Variants in SRFBP1 observed in about 807,000 individuals in gnomAD.
SRFBP1 encodes the protein serum response factor binding protein 1, also known as serum response factor-binding protein 1.
SRFBP1 carries 47 observed loss-of-function variants against 45.5 expected under a neutral mutation model. That is an observed-to-expected ratio of 1.03 (90% confidence interval 0.82 to 1.32). SRFBP1 has a LOEUF of 1.32. SRFBP1 is among the 40% of genes most tolerant of loss of function. The probability of loss-of-function intolerance (pLI) is 0.00; values close to 1 mark genes in which losing one functional copy is unlikely to be tolerated. For synonymous variants in SRFBP1, 203 were observed against 166.3 expected, an observed-to-expected ratio of 1.22 and a Z score of -1.70; for missense variants, 621 against 484.6, an observed-to-expected ratio of 1.28 and a Z score of -2.64.
chr5:121,976,897 A>G (rs935714260), intron 3 of SRFBP1, among the ~76,000 whole-genome samples: 3 of 150,466 alleles, frequency 2.0e-5, no homozygotes, highest in African/African-American at 2.5e-5. Context: ...ACATACACAC[A>G]CACTACATTC....
At chr5:122,024,137 G>A (rs754871632) in intron 7 of SRFBP1, among the ~76,000 whole-genome samples, 3 of 152,280 alleles carry the variant, frequency 2.0e-5, no homozygotes, top group Admixed American at 1.3e-4. Context: ...TCTCTTTTGT[G>A]TAGTGCATTG....
intron 6 of SRFBP1, among the ~76,000 whole-genome samples, chr5:122,021,637 C>T (rs372614889): frequency 2.7e-5 from 4 of 150,306 alleles, no homozygotes; most frequent in Non-Finnish European, 5.9e-5. Context: ...GAAAATGGCA[C>T]ACCACTATCC....
At chr5:122,023,305 C>G (rs1308650002) in intron 7 of SRFBP1, among the ~76,000 whole-genome samples, 1 of 152,162 alleles carries the variant, frequency 6.6e-6, no homozygotes, top group African/African-American at 2.4e-5. Context: ...ACCTCCTTCC[C>G]AAGGCAGCCA....
At chr5:122,077,721 T>A (rs754399452), downstream of SRFBP1, 2 of 1,583,756 alleles carry the variant, frequency 1.3e-6, no homozygotes, top group African/African-American at 2.7e-5. The surrounding 1 kb of genome is among the most constrained non-coding windows in gnomAD (Gnocchi z 4.9). Context: ...AGGATCGGAG[T>A]GCGGGGCTGC....
chr5:122,074,201 C>A, intron 2 of SRFBP1: 1 of 1,577,430 alleles, frequency 6.3e-7, no homozygotes, highest in South Asian at 1.1e-5. Flanking sequence ...AGATGGTGGT[C>A]AGTTACATAC....
chr5:121,982,217 A>C (rs1045694523), intron 3 of SRFBP1, among the ~76,000 whole-genome samples: 10 of 151,942 alleles, frequency 6.6e-5, no homozygotes, highest in African/African-American at 2.4e-4. Flanking sequence ...AAAAGAGCAA[A>C]CAAGATGCCC....
Position 122,028,521 on chromosome 5 carries a change from T to A in SRFBP1, c.*1395T>A, listed in dbSNP as rs879515821. ...ACTCAGAAGGCTGAGGCATAAGAAT[T>A]GCTTGAACCTGGGAGGTGGAGGTTG... On this transcript the variant is annotated 3_prime_UTR_variant, in exon 8 of 8. Transcript: ENST00000339397. The A allele has an allele frequency of 6.6e-6, 1 of 151,936 alleles. No individual in the cohort carries two copies. The highest frequency in any genetic ancestry group is 1.5e-5 in the Non-Finnish European group (1 of 68,048). 9.4% of individuals were successfully genotyped at this position (151,936 alleles called of 1,614,324 possible). A position where few individuals can be genotyped will look rare whatever the true frequency, so the allele number is the denominator to read the frequency against.
chr5:121,971,308 C>A (rs1323970614), intron 1 of SRFBP1, among the ~76,000 whole-genome samples: 1 of 151,908 alleles, frequency 6.6e-6, no homozygotes, highest in Non-Finnish European at 1.5e-5. Flanking sequence ...AAAAGTGGTA[C>A]AATTTGAAAG....
chr5:122,059,336 A>C (rs530754047), intron 2 of SRFBP1, among the ~76,000 whole-genome samples: 2 of 152,178 alleles, frequency 1.3e-5, no homozygotes, highest in African/African-American at 2.4e-5. Context: ...AGGTTGCCTA[A>C]ATTAGTGAGG....
intron 5 of SRFBP1, 85 bp from the exon 6 acceptor site, chr5:122,020,003 A>C (rs141210230): frequency 2.2e-6 from 2 of 904,076 alleles, no homozygotes; most frequent in East Asian, 5.7e-5. Context: ...AATCTTTTCA[A>C]ATAATTTTTT....
At chr5:121,985,163 T>C (rs1752485992) in intron 3 of SRFBP1, among the ~76,000 whole-genome samples, 1 of 151,814 alleles carries the variant, frequency 6.6e-6, no homozygotes, top group East Asian at 1.9e-4. Flanking sequence ...CTGGGATGTA[T>C]TGAAAGATGC....
chr5:122,013,822 G>A (rs2112699267), intron 4 of SRFBP1, among the ~76,000 whole-genome samples: 1 of 152,186 alleles, frequency 6.6e-6, no homozygotes, highest in East Asian at 1.9e-4. Flanking sequence ...AATCTCACTT[G>A]TATGTGGAAT....
chr5:121,964,114 T>A (rs1752009800), intron 1 of SRFBP1, among the ~76,000 whole-genome samples: 1 of 152,182 alleles, frequency 6.6e-6, no homozygotes, highest in African/African-American at 2.4e-5. Context: ...TTTTCAATTC[T>A]TTTCCATCAC....
intron 1 of SRFBP1, among the ~76,000 whole-genome samples, chr5:121,972,599 G>A (rs982737862): frequency 3.3e-5 from 5 of 151,790 alleles, no homozygotes; most frequent in Admixed American, 3.3e-4. Context: ...CTCACCAGAG[G>A]GGCAGGAGTT....
chr5:122,009,790 A>G (rs1753052598), intron 4 of SRFBP1, among the ~76,000 whole-genome samples: 1 of 151,364 alleles, frequency 6.6e-6, no homozygotes, highest in Non-Finnish European at 1.5e-5. Flanking sequence ...AGTAATGGCA[A>G]GGATAATTCC....
intron 2 of SRFBP1, among the ~76,000 whole-genome samples, chr5:122,042,210 G>A (rs567515697): frequency 3.9e-5 from 6 of 152,098 alleles, no homozygotes; most frequent in African/African-American, 1.2e-4. Context: ...TAACCATTTT[G>A]TCCCTGTTAT....
At position 121,988,286 on chromosome 5, in the gene SRFBP1, G is replaced by T. The variant is rs551979178; in HGVS notation, c.199-6313G>T. ...GAATGAGTTTCTTAAAGTTTCTTGG[G>T]TCATGATTTCCTCTTCTATAAAATG... is the stretch of plus-strand genomic sequence containing the variant. On this transcript the variant is annotated intron_variant, in intron 3 of 7. Transcript: ENST00000339397. Among the ~76,000 whole-genome samples the T allele has an allele frequency of 1.4e-3, 210 of 152,196 alleles. 2 individuals are homozygous for T. The highest frequency in any genetic ancestry group is 4.8e-3 in the African/African-American group (201 of 41,534).
intron 7 of SRFBP1, among the ~76,000 whole-genome samples, chr5:122,025,772 A>G (rs933929262): frequency 1.3e-5 from 2 of 152,142 alleles, no homozygotes; most frequent in Non-Finnish European, 2.9e-5. Context: ...TTTATATAAC[A>G]TTTTTACATT....
rs772337963 is a variant in SRFBP1, at chr5:122,020,684, G to C, written c.949G>C (p.Glu317Gln). The C allele has an allele frequency of 6.2e-7, 1 of 1,613,960 alleles. No individual in the cohort carries two copies. Among genetic ancestry groups the C allele is most frequent in the Non-Finnish European group, 8.5e-7 (1 of 1,179,950 alleles). The change falls in exon 6 of 8, where the codon GAA becomes CAA. Residue 317 changes from glutamate (E) to glutamine (Q), a missense_variant. Coordinates refer to ENST00000339397, the MANE Select transcript of SRFBP1 (RefSeq NM_152546.3). Reference protein sequence around the residue: ...QKPLEKVFLKEDTGETHGDTR... With the variant: ...QKPLEKVFLKQDTGETHGDTR... ...ACCACTAGAAAAAGTGTTTCTTAAA[G>C]AAGATACAGGTGAAACTCATGGGGA...
Sources: allele counts gnomAD v4.1 joint callset (sites outside exome capture counted in the v4.1 genomes callset), GRCh38; gene constraint gnomAD v4.1.1; non-coding constraint Gnocchi (gnomAD v3.1); transcripts MANE v1.5; gene names NCBI Gene and HGNC (gene_info 2026-07-23, HGNC 2026-07-21).